The following PTPRN2 variants were observed in gnomAD, a reference collection of about 807,000 sequenced individuals.
PTPRN2 encodes the protein receptor-type tyrosine-protein phosphatase N2.
In PTPRN2, 74 loss-of-function variants were observed where a neutral mutation model predicts 118.8. The ratio of observed to expected loss-of-function variants is 0.62; its 90% confidence interval spans 0.52 to 0.76. PTPRN2 has a LOEUF of 0.76. Among genes scored for constraint, PTPRN2 ranks in the 30% least tolerant of loss-of-function variants. The probability of loss-of-function intolerance (pLI) is 0.00; values close to 1 mark genes in which losing one functional copy is unlikely to be tolerated. For missense variants in PTPRN2, 1,481 were observed against 1,394.4 expected, an observed-to-expected ratio of 1.06 and a Z score of -0.99; for synonymous variants, 641 against 608.0, an observed-to-expected ratio of 1.05 and a Z score of -0.80.
At chr7:158,483,275 T>C (rs951201800) in intron 2 of PTPRN2, among the ~76,000 whole-genome samples, 6 of 152,346 alleles carry the variant, frequency 3.9e-5, no homozygotes, top group South Asian at 4.2e-4. Flanking sequence ...AATTACTTTT[T>C]CCCCACTATG....
At chr7:157,727,594 A>G (rs1799670584) in intron 12 of PTPRN2, among the ~76,000 whole-genome samples, 1 of 152,156 alleles carries the variant, frequency 6.6e-6, no homozygotes, top group African/African-American at 2.4e-5. Flanking sequence ...AAGGTTCTGG[A>G]AATGGGTGGT....
Position 157,690,285 on chromosome 7 carries a change from G to A in PTPRN2, c.1789-7348C>T, listed in dbSNP as rs942682186. ...ATGATCCCAGGCGCAGCTCTCCCCT[G>A]CCGGCCCAAGCCTTTGACAGGAGTC... is the stretch of plus-strand genomic sequence containing the variant. On this transcript the variant is annotated intron_variant, in intron 12 of 22. Transcript: ENST00000389418. This position sits in a 1 kb window ranked among gnomAD's most constrained non-coding sequence, Gnocchi z 7.1. 6.6e-6 allele frequency among the ~76,000 whole-genome samples: 1 copy of A among 152,198 alleles called. No individual in the cohort carries two copies. The highest frequency in any genetic ancestry group is 2.4e-5 in the African/African-American group (1 of 41,466).
chr7:158,441,880 GATA>G (rs1717015217), intron 2 of PTPRN2, among the ~76,000 whole-genome samples: 4 of 141,786 alleles, frequency 2.8e-5, no homozygotes, highest in East Asian at 2.1e-4. Flanking sequence ...CAGTGGTGGT[GATA>G]GTGATAGTGA....
rs1294862078 is a variant in PTPRN2, at chr7:157,878,786, G to A, written c.1788+19887C>T. ...CGTGCACCCACACTTACTCACCGAG[G>A]AGCTCTCGGATTCCGTGGGGCTGGA... On this transcript the variant is annotated intron_variant, in intron 12 of 22. Coordinates refer to ENST00000389418, the MANE Select transcript of PTPRN2 (RefSeq NM_002847.5). Among the ~76,000 whole-genome samples the A allele has an allele frequency of 6.7e-4, 66 of 97,930 alleles. 1 individual carries two copies. In the East Asian group the frequency reaches 0.012, roughly 18 times the overall value. 64.2% of individuals were successfully genotyped at this position (97,930 alleles called of 152,430 possible).
chr7:157,950,431 C>A (rs563755868), intron 11 of PTPRN2, among the ~76,000 whole-genome samples: 1 of 152,202 alleles, frequency 6.6e-6, no homozygotes, highest in East Asian at 1.9e-4. Flanking sequence ...CTGGTCCTGT[C>A]CTGCTCTAAA....
intron 12 of PTPRN2, among the ~76,000 whole-genome samples, chr7:157,735,371 T>C (rs908954100): frequency 6.6e-6 from 1 of 152,188 alleles, no homozygotes; most frequent in African/African-American, 2.4e-5. Flanking sequence ...CTGTATGGTG[T>C]CCATCCTGAG....
intron 2 of PTPRN2, among the ~76,000 whole-genome samples, chr7:158,414,179 G>A (rs1814443158): frequency 6.6e-6 from 1 of 151,904 alleles, no homozygotes; most frequent in Non-Finnish European, 1.5e-5. Context: ...CACTTCCAGA[G>A]CGTAGGGAAT....
chr7:157,981,022 C>T (rs1004988484), intron 11 of PTPRN2, among the ~76,000 whole-genome samples: 9 of 152,204 alleles, frequency 5.9e-5, no homozygotes, highest in African/African-American at 1.4e-4. Flanking sequence ...CACGGAGCCC[C>T]GCCTCCCACA....
At chr7:158,218,669 G>A (rs1044604353) in intron 3 of PTPRN2, among the ~76,000 whole-genome samples, 1 of 152,258 alleles carries the variant, frequency 6.6e-6, no homozygotes, top group East Asian at 1.9e-4. Flanking sequence ...AGACCCAACT[G>A]TCTGCTGTCT....
chr7:158,532,941 C>T (rs1185169013), intron 1 of PTPRN2: 6 of 389,478 alleles, frequency 1.5e-5, no homozygotes, highest in Non-Finnish European at 3.2e-5. Flanking sequence ...CCTCTCTCTA[C>T]CAAGCCAGGG....
intron 3 of PTPRN2, among the ~76,000 whole-genome samples, chr7:158,217,984 GAGA>G (rs1828072607): frequency 6.6e-6 from 1 of 152,162 alleles, no homozygotes; most frequent in Admixed American, 6.5e-5. Flanking sequence ...ATTTCTGAAA[GAGA>G]AGGAGAGAGA....
At chr7:158,137,705 G>A (rs1818956033) in intron 7 of PTPRN2, among the ~76,000 whole-genome samples, 1 of 152,168 alleles carries the variant, frequency 6.6e-6, no homozygotes, top group African/African-American at 2.4e-5. Context: ...AGAGAGAGGG[G>A]CACGTCTGTC....
intron 1 of PTPRN2, among the ~76,000 whole-genome samples, chr7:158,524,421 GCCCTGGAGTGGAGTCGTCTA>G (rs1563394894): frequency 2.1e-5 from 3 of 141,528 alleles, no homozygotes; most frequent in African/African-American, 8.3e-5. Context: ...AGCGGAGTCT[GCCCTGGAGTGGAGTCGTCTA>G]CCCTGGAGCG....
intron 1 of PTPRN2, among the ~76,000 whole-genome samples, chr7:158,540,778 G>A (rs1396288722): frequency 2.6e-5 from 4 of 152,338 alleles, no homozygotes; most frequent in South Asian, 4.1e-4. Context: ...TTCCTTCAGT[G>A]TGGAAGAACC....
At chr7:158,386,718 A>G (rs187823938) in intron 2 of PTPRN2, among the ~76,000 whole-genome samples, 23 of 152,338 alleles carry the variant, frequency 1.5e-4, no homozygotes, top group Admixed American at 1.3e-3. Flanking sequence ...ACAACCTACC[A>G]GCGATCAAGT....
intron 12 of PTPRN2, among the ~76,000 whole-genome samples, chr7:157,721,576 C>T (rs115943996): frequency 0.017 from 2,581 of 152,284 alleles, 58 homozygotes; most frequent in African/African-American, 0.058. Context: ...CTGTTCCCAC[C>T]GATGCCCAGT....
chr7:158,479,047 A>C, intron 2 of PTPRN2, among the ~76,000 whole-genome samples: 1 of 152,036 alleles, frequency 6.6e-6, no homozygotes, highest in East Asian at 1.9e-4. Flanking sequence ...ACAGGACAGG[A>C]CCCACGAGTG....
At chr7:158,077,841 G>T (rs1812494745) in intron 11 of PTPRN2, among the ~76,000 whole-genome samples, 1 of 152,160 alleles carries the variant, frequency 6.6e-6, no homozygotes, top group South Asian at 2.1e-4. Context: ...TACTATTTAA[G>T]AAGAAACTAC....
At chr7:158,456,632 C>T (rs1030630417) in intron 2 of PTPRN2, among the ~76,000 whole-genome samples, 4 of 152,280 alleles carry the variant, frequency 2.6e-5, no homozygotes, top group Non-Finnish European at 4.4e-5. Context: ...CCATGGCCAC[C>T]CATCACTCTG....
Sources: allele counts gnomAD v4.1 joint callset (sites outside exome capture counted in the v4.1 genomes callset), GRCh38; gene constraint gnomAD v4.1.1; non-coding constraint Gnocchi (gnomAD v3.1); transcripts MANE v1.5; gene names NCBI Gene and HGNC (gene_info 2026-07-23, HGNC 2026-07-21).